ZC3H12B: variants seen among roughly 807,000 people sequenced by gnomAD.
ZC3H12B encodes probable ribonuclease ZC3H12B.
A neutral mutation model predicts 43.9 loss-of-function variants in ZC3H12B; 7 were observed. The observed-to-expected ratio is 0.16, with a 90% CI of 0.09 to 0.30. The LOEUF (loss-of-function observed/expected upper bound fraction) is 0.30. Ranked by LOEUF, ZC3H12B falls within the 10% of genes least tolerant of loss-of-function variation. The pLI, the probability that ZC3H12B is intolerant of heterozygous loss-of-function variation, is 1.00. For synonymous variants in ZC3H12B, 222 were observed against 241.7 expected, an observed-to-expected ratio of 0.92 and a Z score of 0.76; for missense variants, 475 against 670.2, an observed-to-expected ratio of 0.71 and a Z score of 3.22.
exon 5 of ZC3H12B, chrX:65,502,620 G>C: frequency 8.3e-7 from 1 of 1,209,827 alleles, no homozygotes; most frequent in South Asian, 1.8e-5. Context: ...CGAGTGCAGA[G>C]CTATGGCCCA....
chrX:65,393,615 G>A (rs1336196527), intron 2 of ZC3H12B, among the ~76,000 whole-genome samples: 1 of 111,937 alleles, frequency 8.9e-6, no homozygotes, highest in Non-Finnish European at 1.9e-5. Flanking sequence ...TTTTATGGCT[G>A]CATAATATTT....
intron 1 of ZC3H12B, among the ~76,000 whole-genome samples, chrX:65,495,181 C>T (rs1448888743): frequency 8.9e-6 from 1 of 112,146 alleles, no homozygotes; most frequent in Non-Finnish European, 1.9e-5. Context: ...ATATATTTTC[C>T]TTTTGTTTCT....
At chrX:65,140,386 G>A in the ZC3H12B span, among the ~76,000 whole-genome samples, 2 of 111,359 alleles carry the variant, frequency 1.8e-5, no homozygotes, top group Non-Finnish European at 3.8e-5. Flanking sequence ...TGTCAATGTG[G>A]CATATCAAAT....
At chrX:65,216,769 AT>A in the ZC3H12B span, among the ~76,000 whole-genome samples, 1 of 112,141 alleles carries the variant, frequency 8.9e-6, no homozygotes, top group Non-Finnish European at 1.9e-5. Flanking sequence ...TAGCTGAGCC[AT>A]GCTAAAAATA....
chrX:65,356,864 G>A, the ZC3H12B span: 6 of 325,065 alleles, frequency 1.8e-5, no homozygotes, highest in African/African-American at 1.3e-4. Flanking sequence ...AGGTCCAGTC[G>A]AAAGTGAGAT....
At chrX:65,395,015 T>C (rs2066677889) in intron 2 of ZC3H12B, among the ~76,000 whole-genome samples, 1 of 111,628 alleles carries the variant, frequency 9.0e-6, no homozygotes, top group African/African-American at 3.3e-5. Context: ...CTCTGTCTAT[T>C]ATTGGTGTAT....
intron 3 of ZC3H12B, among the ~76,000 whole-genome samples, chrX:65,427,852 C>T (rs1322257722): frequency 8.9e-6 from 1 of 111,891 alleles, no homozygotes; most frequent in African/African-American, 3.2e-5. Flanking sequence ...GTGGTTTCTT[C>T]ATAGTGTCAC....
At chrX:65,381,125 T>C (rs2066432640) in intron 2 of ZC3H12B, among the ~76,000 whole-genome samples, 2 of 111,081 alleles carry the variant, frequency 1.8e-5, no homozygotes, top group African/African-American at 6.5e-5. Context: ...TACAGAACTC[T>C]CCACCCCAAA....
chrX:65,222,647 T>A, the ZC3H12B span, among the ~76,000 whole-genome samples: 32 of 91,316 alleles, frequency 3.5e-4, no homozygotes, highest in South Asian at 2.0e-3. Flanking sequence ...ATAATAATAA[T>A]AATAAAACAC....
At chrX:65,204,155 C>A in the ZC3H12B span, among the ~76,000 whole-genome samples, 2 of 108,611 alleles carry the variant, frequency 1.8e-5, no homozygotes, top group African/African-American at 3.6e-5. Flanking sequence ...TTTCTACCCT[C>A]TTCAGTGCCT....
chrX:65,229,640 CA>C, the ZC3H12B span, among the ~76,000 whole-genome samples: 1 of 104,498 alleles, frequency 9.6e-6, no homozygotes, highest in Non-Finnish European at 2.0e-5. Context: ...ACTCATCTGA[CA>C]AAGGGCTAAT....
the ZC3H12B span, among the ~76,000 whole-genome samples, chrX:65,069,659 G>A: frequency 8.9e-6 from 1 of 111,766 alleles, no homozygotes; most frequent in East Asian, 2.8e-4. Flanking sequence ...TTAACATGAA[G>A]CAATGTTGAA....
chrX:65,269,952 A>G, the ZC3H12B span, among the ~76,000 whole-genome samples: 5 of 112,101 alleles, frequency 4.5e-5, no homozygotes, highest in Non-Finnish European at 5.6e-5. Context: ...TAAAATGTTC[A>G]TATTACCCAA....
At chrX:65,329,000 A>T in the ZC3H12B span, among the ~76,000 whole-genome samples, 1 of 110,510 alleles carries the variant, frequency 9.0e-6, no homozygotes, top group Non-Finnish European at 1.9e-5. Flanking sequence ...ATAGTGCTGC[A>T]ATAAACATAC....
At chrX:65,218,215 C>G in the ZC3H12B span, among the ~76,000 whole-genome samples, 1 of 112,255 alleles carries the variant, frequency 8.9e-6, no homozygotes, top group East Asian at 2.8e-4. Context: ...TAACTTGCAG[C>G]TCCCTCTTAG....
At chrX:65,094,761 C>T in the ZC3H12B span, among the ~76,000 whole-genome samples, 2 of 111,763 alleles carry the variant, frequency 1.8e-5, no homozygotes, top group Admixed American at 9.5e-5. Context: ...TATATTTTGA[C>T]CTGGAGTACA....
At chrX:65,224,763 C>T in the ZC3H12B span, among the ~76,000 whole-genome samples, 1 of 111,884 alleles carries the variant, frequency 8.9e-6, no homozygotes, top group Non-Finnish European at 1.9e-5. Context: ...CATGGAGTCT[C>T]GCTGATTGCT....
the ZC3H12B span, among the ~76,000 whole-genome samples, chrX:65,334,571 T>C: frequency 8.9e-6 from 1 of 112,182 alleles, no homozygotes; most frequent in Non-Finnish European, 1.9e-5. Flanking sequence ...TTTAAGCCAA[T>C]TAATTGGAGC....
chrX:65,259,165 A>G, the ZC3H12B span, among the ~76,000 whole-genome samples: 1 of 112,264 alleles, frequency 8.9e-6, no homozygotes, highest in Non-Finnish European at 1.9e-5. Flanking sequence ...GTCAAACTTT[A>G]CTACAAGGCA....
Sources: allele counts gnomAD v4.1 joint callset (sites outside exome capture counted in the v4.1 genomes callset), GRCh38; gene constraint gnomAD v4.1.1; transcripts MANE v1.5; gene names NCBI Gene and HGNC (gene_info 2026-07-23, HGNC 2026-07-21).